Variants in BICD1 observed in about 807,000 individuals in gnomAD.
The protein encoded by BICD1 is protein bicaudal D homolog 1.
In BICD1, 35 loss-of-function variants were observed where a neutral mutation model predicts 92.5. The ratio of observed to expected loss-of-function variants is 0.38; its 90% CI spans 0.29 to 0.50. The LOEUF (loss-of-function observed/expected upper bound fraction) is 0.50, where lower values mean the gene tolerates loss of function less well. Among genes scored for constraint, BICD1 ranks in the 20% least tolerant of loss-of-function variants. BICD1 has a pLI of 0.93. For missense variants in BICD1, 950 were observed against 1,189.8 expected (o/e 0.80, Z 2.97); for synonymous variants, 429 against 465.1 (o/e 0.92, Z 1.00).
At chr12:32,347,846 A>G (rs892679663) in intron 8 of BICD1, among the ~76,000 whole-genome samples, 1 of 152,198 alleles carries the variant, frequency 6.6e-6, no homozygotes, top group Non-Finnish European at 1.5e-5. Context: ...TATTTTAAGC[A>G]GAGAGTGCCT....
At chr12:32,357,742 C>T (rs1257793604) in intron 8 of BICD1, among the ~76,000 whole-genome samples, 1 of 152,162 alleles carries the variant, frequency 6.6e-6, no homozygotes, top group Non-Finnish European at 1.5e-5. Flanking sequence ...CCTGGTGTCT[C>T]TCTGCATGTA....
At chr12:32,165,513 C>T (rs972892943) in intron 1 of BICD1, among the ~76,000 whole-genome samples, 1 of 151,646 alleles carries the variant, frequency 6.6e-6, no homozygotes, top group Non-Finnish European at 1.5e-5. Context: ...GAGACTCCGT[C>T]ACAAAACAAA....
intron 2 of BICD1, among the ~76,000 whole-genome samples, chr12:32,238,407 T>G (rs985393397): frequency 2.0e-5 from 3 of 152,192 alleles, no homozygotes; most frequent in African/African-American, 7.2e-5. Flanking sequence ...GCAAAGGAAA[T>G]GATTTCTTGG....
Position 32,374,219 on chromosome 12 carries a change from AAAAAG to A in BICD1, c.2841-3301_2841-3297del, listed in dbSNP as rs1360062918. Among the ~76,000 whole-genome samples the A allele has an allele frequency of 3.4e-3, 518 of 152,024 alleles. 4 individuals are homozygous for A. The highest frequency in any genetic ancestry group is 0.011 in the African/African-American group (476 of 41,468). On this transcript the variant is annotated intron_variant, in intron 9 of 9. Transcript: ENST00000652176. ...ACAAAGTGAGATTCTGCTCAAAAAA[AAAAAG>A]AAAAGAAAAGAAAAGAAAAAAAAGC...
intron 1 of BICD1, among the ~76,000 whole-genome samples, chr12:32,204,346 CAA>C (rs35842294): frequency 7.6e-6 from 1 of 132,084 alleles, no homozygotes. Flanking sequence ...GAGACCCTGT[CAA>C]AAAAAAAAAA....
intron 4 of BICD1, among the ~76,000 whole-genome samples, chr12:32,324,769 G>A (rs902235747): frequency 3.3e-5 from 5 of 151,814 alleles, no homozygotes; most frequent in Non-Finnish European, 7.4e-5. Flanking sequence ...TAGTAGAGAC[G>A]GGGTTTCACC....
chr12:32,358,668 C>T (rs945070395), intron 8 of BICD1, among the ~76,000 whole-genome samples: 23 of 151,838 alleles, frequency 1.5e-4, no homozygotes, highest in African/African-American at 3.9e-4. Flanking sequence ...ACCCGGGAGG[C>T]GGAGGTTGCA....
At chr12:32,246,320 A>G (rs1946386758) in intron 2 of BICD1, among the ~76,000 whole-genome samples, 1 of 149,902 alleles carries the variant, frequency 6.7e-6, no homozygotes, top group Non-Finnish European at 1.5e-5. Flanking sequence ...GAAAAAAAAA[A>G]AAAAAAAGGT....
intron 2 of BICD1, among the ~76,000 whole-genome samples, chr12:32,238,517 C>G (rs7136837): frequency 6.6e-6 from 1 of 152,080 alleles, no homozygotes; most frequent in Non-Finnish European, 1.5e-5. Context: ...CAGGGGCAGG[C>G]TTTGAGAGGA....
intron 1 of BICD1, among the ~76,000 whole-genome samples, chr12:32,191,889 C>G (rs1345877256): frequency 6.6e-6 from 1 of 151,810 alleles, no homozygotes; most frequent in Admixed American, 6.6e-5. Context: ...TCTCATTGAG[C>G]CTCCCTATTC....
chr12:32,181,123 A>G (rs1215278012), intron 1 of BICD1, among the ~76,000 whole-genome samples: 1 of 151,924 alleles, frequency 6.6e-6, no homozygotes, highest in Non-Finnish European at 1.5e-5. Flanking sequence ...GTGCTTATAA[A>G]AAAATTACAC....
At position 32,117,681 on chromosome 12, in the gene BICD1, C is replaced by CATATAT. The variant is rs59928422; in HGVS notation, c.213+10149_213+10154dup. Among the ~76,000 whole-genome samples the CATATAT allele has an allele frequency of 8.4e-4, 115 of 137,016 alleles. 2 individuals are homozygous for CATATAT. The highest frequency in any genetic ancestry group is 2.3e-3 in the African/African-American group (85 of 37,310). 89.9% of individuals were successfully genotyped at this position (137,016 alleles called of 152,430 possible). ...TTATATTTTGTCATTTACGCTTAGTCATATATATATATATATACACAAATA... is the reference window on the plus strand; with the variant it reads ...TTATATTTTGTCATTTACGCTTAGTCATATATATATATATATATATATACACAAATA... On this transcript the variant is annotated intron_variant, in intron 1 of 9. Coordinates refer to ENST00000652176, the MANE Select transcript of BICD1 (RefSeq NM_001714.4).
chr12:32,288,387 A>G (rs1159892293), intron 2 of BICD1, among the ~76,000 whole-genome samples: 1 of 151,894 alleles, frequency 6.6e-6, no homozygotes, highest in East Asian at 1.9e-4. Flanking sequence ...GTGCACCACC[A>G]TACCTGGCTA....
rs35803631 is a variant in BICD1 at position 32,233,322 on chromosome 12, T to TTAAAAAAAAAAAAA, written c.426+16863_426+16864insTAAAAAAAAAAAAA. Among the ~76,000 whole-genome samples, 23 of 127,056 alleles carry TTAAAAAAAAAAAAA rather than the reference T, an allele frequency of 1.8e-4. 1 individual carries two copies. Among genetic ancestry groups the TTAAAAAAAAAAAAA allele is most frequent in the East Asian group, 9.0e-4 (4 of 4,434 alleles). 83.4% of individuals were successfully genotyped at this position (127,056 alleles called of 152,430 possible). ...GGATGACAGAGCAAGAGTCTGTCTT[T>TTAAAAAAAAAAAAA]AAAAAAAAAAAAAAAAAAGTAGGCT... On this transcript the variant is annotated intron_variant, in intron 2 of 9. Transcript: ENST00000652176.
intron 4 of BICD1, among the ~76,000 whole-genome samples, chr12:32,308,324 C>T (rs1052633245): frequency 2.6e-5 from 4 of 152,192 alleles, no homozygotes; most frequent in African/African-American, 9.6e-5. Flanking sequence ...TGACCAGAAA[C>T]TCCCCATGTA....
rs191386643 is a variant in BICD1, at chr12:32,119,663, G to C, written c.213+12119G>C. On this transcript the variant is annotated intron_variant, in intron 1 of 9. Transcript: ENST00000652176. ...AAGGCAGATGGATCATATGAGGCCA[G>C]GAGTTTGAGACCAGCCTGACCAACG... Among the ~76,000 whole-genome samples the C allele has an allele frequency of 2.1e-3, 313 of 152,322 alleles. 1 individual carries two copies. Among genetic ancestry groups the C allele is most frequent in the Non-Finnish European group, 3.3e-3 (226 of 68,032 alleles).
rs1429372646 is a variant in BICD1 at position 32,379,173 on chromosome 12, T to C, written c.*1546T>C. 1.3e-5 allele frequency: 2 copies of C among 152,224 alleles called. No homozygotes were observed. Among genetic ancestry groups the C allele is most frequent in the African/African-American group, 2.4e-5 (1 of 41,440 alleles). The allele number at this position is 152,224 out of a possible 1,614,324, so 9.4% of individuals were successfully genotyped here. A position where few individuals can be genotyped will look rare whatever the true frequency, so the allele number is the denominator to read the frequency against. On this transcript the variant is annotated 3_prime_UTR_variant, in exon 10 of 10. Coordinates refer to ENST00000652176, the MANE Select transcript of BICD1 (RefSeq NM_001714.4). ...TGTTAACACAAAGGACAGTTACCAG[T>C]GTAGGGCACTGAGAAAGGAGATCCA...
chr12:32,262,302 A>G (rs931668338), intron 2 of BICD1, among the ~76,000 whole-genome samples: 1 of 152,024 alleles, frequency 6.6e-6, no homozygotes, highest in African/African-American at 2.4e-5. Context: ...TGGCTACTCT[A>G]TAATCTGAGT....
chr12:32,149,130 G>A (rs1151010), intron 1 of BICD1, among the ~76,000 whole-genome samples: 20,942 of 152,130 alleles, frequency 0.14, 1,679 homozygotes, highest in East Asian at 0.21. Context: ...ACTGCACTGG[G>A]TCTCCTTGTG....
Sources: allele counts gnomAD v4.1 joint callset (sites outside exome capture counted in the v4.1 genomes callset), GRCh38; gene constraint gnomAD v4.1.1; transcripts MANE v1.5; gene names NCBI Gene and HGNC (gene_info 2026-07-23, HGNC 2026-07-21).